GALNT13: variants seen among roughly 807,000 people sequenced by gnomAD.
The protein encoded by GALNT13 is UDP-GalNAc:polypeptide N-acetylgalactosaminyltransferase 13.
In GALNT13, 28 loss-of-function variants were observed where a neutral mutation model predicts 64.2. That is an observed-to-expected ratio of 0.44 (90% CI 0.32 to 0.60). GALNT13 has a LOEUF of 0.60. Among genes scored for constraint, GALNT13 ranks in the 20% least tolerant of loss-of-function variants. The pLI, the probability that GALNT13 is intolerant of heterozygous loss-of-function variation, is 0.05. For missense variants in GALNT13, 577 were observed against 669.8 expected (o/e 0.86, Z 1.53); for synonymous variants, 214 against 224.6 (o/e 0.95, Z 0.42).
the GALNT13 span, among the ~76,000 whole-genome samples, chr2:153,797,470 C>T: frequency 5.9e-5 from 9 of 152,112 alleles, no homozygotes; most frequent in African/African-American, 1.9e-4. Context: ...GCTCAACCAT[C>T]CTAAAAATTA....
At chr2:153,700,435 A>G in the GALNT13 span, among the ~76,000 whole-genome samples, 1 of 152,204 alleles carries the variant, frequency 6.6e-6, no homozygotes, top group Non-Finnish European at 1.5e-5. Flanking sequence ...CTGGCACAAG[A>G]CAAGGATGCC....
At chr2:153,875,859 C>T (rs903385757) in intron 1 of GALNT13, among the ~76,000 whole-genome samples, 2 of 152,060 alleles carry the variant, frequency 1.3e-5, no homozygotes, top group East Asian at 3.9e-4. Flanking sequence ...AACTAATTTG[C>T]CTTATTAGAC....
At chr2:153,507,184 T>C in the GALNT13 span, among the ~76,000 whole-genome samples, 1 of 152,188 alleles carries the variant, frequency 6.6e-6, no homozygotes, top group East Asian at 1.9e-4. Context: ...AAGTGTGTTC[T>C]TGATTTCCAG....
At chr2:153,188,296 AAT>A in the GALNT13 span, among the ~76,000 whole-genome samples, 2 of 149,756 alleles carry the variant, frequency 1.3e-5, no homozygotes, top group Non-Finnish European at 3.0e-5. Context: ...CATCTCTTTT[AAT>A]ATAGAAATGA....
chr2:154,182,813 T>C (rs1325183997), intron 4 of GALNT13, among the ~76,000 whole-genome samples: 3 of 151,894 alleles, frequency 2.0e-5, no homozygotes, highest in African/African-American at 7.3e-5. Flanking sequence ...GGCCCAAAGC[T>C]AGAGGATCAC....
the GALNT13 span, among the ~76,000 whole-genome samples, chr2:153,739,584 TTTTATTTA>T: frequency 4.8e-4 from 67 of 138,478 alleles, no homozygotes; most frequent in African/African-American, 1.5e-3. Flanking sequence ...TTATTCATTA[TTTTATTTA>T]TTTATTTATT....
intron 3 of GALNT13, among the ~76,000 whole-genome samples, chr2:153,949,735 C>T (rs1274710832): frequency 1.3e-5 from 2 of 151,860 alleles, no homozygotes; most frequent in Non-Finnish European, 2.9e-5. Context: ...ATAATTGGAA[C>T]AGAGAAGCAC....
intron 3 of GALNT13, among the ~76,000 whole-genome samples, chr2:153,997,283 TAA>T (rs1348294381): frequency 6.6e-6 from 1 of 152,158 alleles, no homozygotes; most frequent in African/African-American, 2.4e-5. Flanking sequence ...TTAATAATAT[TAA>T]GTCTTCCAAT....
intron 11 of GALNT13, among the ~76,000 whole-genome samples, chr2:154,412,691 A>G (rs1177811043): frequency 2.6e-5 from 4 of 151,816 alleles, no homozygotes; most frequent in Non-Finnish European, 4.4e-5. Context: ...ATTTTCTTAA[A>G]CACTCAGATT....
At chr2:153,790,347 T>C in the GALNT13 span, among the ~76,000 whole-genome samples, 1 of 152,110 alleles carries the variant, frequency 6.6e-6, no homozygotes, top group Non-Finnish European at 1.5e-5. Context: ...ATCATCTCAA[T>C]AGAAGCAGAA....
chr2:153,485,265 A>T, the GALNT13 span, among the ~76,000 whole-genome samples: 125 of 152,182 alleles, frequency 8.2e-4, no homozygotes, highest in Non-Finnish European at 1.4e-3. Flanking sequence ...TTTCCAGCTC[A>T]TTTGCCTTTT....
chr2:154,267,144 T>TG (rs975467143), intron 8 of GALNT13, among the ~76,000 whole-genome samples: 4 of 151,838 alleles, frequency 2.6e-5, no homozygotes, highest in Admixed American at 6.6e-5. Flanking sequence ...AATGTCTATG[T>TG]GGGGGGGAAA....
intron 12 of GALNT13, among the ~76,000 whole-genome samples, chr2:154,442,341 C>A (rs962990015): frequency 6.6e-6 from 1 of 151,994 alleles, no homozygotes; most frequent in African/African-American, 2.4e-5. Flanking sequence ...GTAATAAATG[C>A]ACTTCTTTGG....
rs562799440 is a variant in GALNT13 at position 154,247,332 on chromosome 2, A to G, written c.857+1350A>G. Among the ~76,000 whole-genome samples the G allele has an allele frequency of 4.6e-5, 7 of 152,140 alleles. No individual in the cohort carries two copies. In the East Asian group the frequency reaches 9.6e-4, roughly 21 times the overall value. On this transcript the variant is annotated intron_variant, in intron 7 of 12. Coordinates refer to ENST00000392825, the MANE Select transcript of GALNT13 (RefSeq NM_052917.4). ...ATAGTGGCTCATGTTACCATCATTT[A>G]TTAGATATTCTATTTTCCCAAATTG... is the stretch of plus-strand genomic sequence containing the variant.
the GALNT13 span, among the ~76,000 whole-genome samples, chr2:153,458,333 C>A: frequency 6.6e-6 from 1 of 152,094 alleles, no homozygotes; most frequent in East Asian, 1.9e-4. Flanking sequence ...CTCATGACTT[C>A]TCATACCACA....
At chr2:154,339,713 A>G (rs11686487) in intron 9 of GALNT13, among the ~76,000 whole-genome samples, 23,303 of 152,084 alleles carry the variant, frequency 0.15, 2,222 homozygotes, top group South Asian at 0.2. Context: ...GTTTTTTTCA[A>G]TTATTTAAAT....
At chr2:153,943,437 A>T (rs1253869654) in intron 2 of GALNT13, among the ~76,000 whole-genome samples, 1 of 152,058 alleles carries the variant, frequency 6.6e-6, no homozygotes, top group Non-Finnish European at 1.5e-5. Context: ...TCTACTTAAG[A>T]ATATGAGAAC....
chr2:153,375,017 A>T, the GALNT13 span, among the ~76,000 whole-genome samples: 1 of 152,202 alleles, frequency 6.6e-6, no homozygotes, highest in Non-Finnish European at 1.5e-5. Flanking sequence ...TACCTGGGAC[A>T]GTGACTATAG....
At position 154,416,230 on chromosome 2, in the gene GALNT13, A is replaced by G. The variant is rs1046572977; in HGVS notation, c.1395+7148A>G. On this transcript the variant is annotated intron_variant, in intron 11 of 12. Coordinates refer to ENST00000392825, the MANE Select transcript of GALNT13 (RefSeq NM_052917.4). ...ACTGGGTGGTTTAAAAACAACAGAA[A>G]TTTATTGTACACAGTTCTGGAGGCT... Among the ~76,000 whole-genome samples, 22 of 152,156 alleles carry G rather than the reference A, an allele frequency of 1.4e-4. 1 individual carries two copies. Among genetic ancestry groups the G allele is most frequent in the Admixed American group, 1.4e-3 (22 of 15,246 alleles).
Sources: allele counts gnomAD v4.1 joint callset (sites outside exome capture counted in the v4.1 genomes callset), GRCh38; gene constraint gnomAD v4.1.1; transcripts MANE v1.5; gene names NCBI Gene and HGNC (gene_info 2026-07-23, HGNC 2026-07-21).